CCDC112: variants seen among roughly 807,000 people sequenced by gnomAD.
The protein encoded by CCDC112 is coiled-coil domain-containing protein 112.
A neutral mutation model predicts 66.3 loss-of-function variants in CCDC112; 40 were observed. The observed-to-expected ratio is 0.60, with a 90% CI of 0.47 to 0.79. The LOEUF is 0.79. Ranked by LOEUF, CCDC112 falls within the 30% of genes least tolerant of loss-of-function variation. The probability of loss-of-function intolerance (pLI) is 0.00; values close to 1 mark genes in which losing one functional copy is unlikely to be tolerated. For missense variants in CCDC112, 659 were observed against 603.8 expected, an observed-to-expected ratio of 1.09 and a Z score of -0.96; for synonymous variants, 214 against 197.2, an observed-to-expected ratio of 1.09 and a Z score of -0.71.
At position 115,271,571 on chromosome 5, in the gene CCDC112, A is replaced by T; in HGVS notation, c.974T>A (p.Leu325Ter). ...KQQKREEIFK[L>*]KEKADNTPVL... is the part of the protein sequence containing the mutation. Reference sequence around the variant, plus strand: ...AGGTGTGTTGTCTGCCTTTTCCTTTAACTTGAAAATTTCCTCCCTTTTTTG... The same window carrying T: ...AGGTGTGTTGTCTGCCTTTTCCTTTTACTTGAAAATTTCCTCCCTTTTTTG... The change falls in exon 7 of 10, where the codon TTA (leucine) becomes TAA (stop). Residue 325 changes from leucine (L) to a stop codon, truncating the protein, a stop_gained. Transcript: ENST00000379611. LOFTEE classifies it high-confidence loss of function. 1 of 1,564,456 alleles carries T rather than the reference A, an allele frequency of 6.4e-7. No individual in the cohort carries two copies. Among genetic ancestry groups the T allele is most frequent in the Non-Finnish European group, 8.6e-7 (1 of 1,162,858 alleles).
intron 5 of CCDC112, 76 bp downstream of exon 5, chr5:115,275,918 A>G: frequency 1.0e-6 from 1 of 952,928 alleles, no homozygotes. Context: ...AATGCATTAT[A>G]TACAAAAATG....
In CCDC112 at chr5:115,275,206, T is replaced by C; in HGVS notation, c.918+10A>G. ...AACACAGAATGAATAATAGCTATTA[T>C]AATTATTACCTCTTTTTTTCTTTCT... On this transcript the variant is annotated intron_variant, in intron 6 of 9. Transcript: ENST00000379611. 1 of 1,578,136 alleles carries C rather than the reference T, an allele frequency of 6.3e-7. No homozygotes were observed. Among genetic ancestry groups the C allele is most frequent in the Non-Finnish European group, 8.6e-7 (1 of 1,157,082 alleles).
chr5:115,271,651 AAGC>A, intron 6 of CCDC112, 25 bp from the exon 7 acceptor site: 1 of 1,455,232 alleles, frequency 6.9e-7, no homozygotes, highest in Non-Finnish European at 9.0e-7. Flanking sequence ...TAAAAAAAGA[AAGC>A]AAGAGAAAAA....
chr5:115,281,390 C>A (rs1363308582), intron 2 of CCDC112, among the ~76,000 whole-genome samples: 2 of 152,122 alleles, frequency 1.3e-5, no homozygotes, highest in African/African-American at 4.8e-5. Flanking sequence ...GCCCCAGAGC[C>A]CACCACACTT....
chr5:115,295,070 G>A (rs75241466), intron 1 of CCDC112, among the ~76,000 whole-genome samples: 36 of 152,170 alleles, frequency 2.4e-4, no homozygotes, highest in African/African-American at 8.2e-4. Flanking sequence ...GTATCCATTA[G>A]ATGCTAGCAG....
At position 115,271,344 on chromosome 5, in the gene CCDC112, G is replaced by C; in HGVS notation, c.1201C>G (p.Leu401Val). The C allele has an allele frequency of 6.2e-7, 1 of 1,612,642 alleles. No homozygotes were observed. The highest frequency in any genetic ancestry group is 1.7e-4 in the Middle Eastern group (1 of 6,060). ...RQRQFKLKLLLESYTQQKKEQ... is the reference protein window; with the variant it reads ...RQRQFKLKLLVESYTQQKKEQ... ...TTCTTCTGCTGGGTATAACTTTCTAGTAGTAATTTTAACTTAAACTGGCGC... is the reference window on the plus strand; with the variant it reads ...TTCTTCTGCTGGGTATAACTTTCTACTAGTAATTTTAACTTAAACTGGCGC... The change falls in exon 7 of 10, where the codon CTA becomes GTA. Residue 401 changes from leucine to valine, a missense_variant. Coordinates refer to ENST00000379611, the MANE Select transcript of CCDC112 (RefSeq NM_001040440.3).
intron 6 of CCDC112, 28 bp from the exon 7 acceptor site, chr5:115,271,654 C>T (rs1489802899): frequency 1.4e-6 from 2 of 1,449,626 alleles, no homozygotes; most frequent in Non-Finnish European, 1.8e-6. Flanking sequence ...AAAAAGAAAG[C>T]AAGAGAAAAA....
chr5:115,270,235 G>C lies in CCDC112; in HGVS notation c.1333-437C>G, dbSNP rs140549370. Among the ~76,000 whole-genome samples, 1,221 of 152,154 alleles carry C rather than the reference G, an allele frequency of 8.0e-3. 6 individuals are homozygous for C. The highest frequency in any genetic ancestry group is 0.017 in the Middle Eastern group (5 of 294). Reference sequence around the variant, plus strand: ...GAAGATTTTTATATATGAACTAAAAGAAATGAACTAAAATTTTCAGTATTA... The same window carrying C: ...GAAGATTTTTATATATGAACTAAAACAAATGAACTAAAATTTTCAGTATTA... On this transcript the variant is annotated intron_variant, in intron 7 of 9. Transcript: ENST00000379611.
chr5:115,292,783 A>T (rs781502988), intron 1 of CCDC112, among the ~76,000 whole-genome samples: 1 of 152,208 alleles, frequency 6.6e-6, no homozygotes, highest in Non-Finnish European at 1.5e-5. Flanking sequence ...GCATTGAACC[A>T]CTATGTGTCC....
intron 1 of CCDC112, among the ~76,000 whole-genome samples, chr5:115,288,715 C>T (rs985350175): frequency 6.6e-6 from 1 of 152,194 alleles, no homozygotes; most frequent in Non-Finnish European, 1.5e-5. Flanking sequence ...GAATGCTATG[C>T]TGACACCCAA....
At chr5:115,270,922 C>G (rs1485181375) in intron 7 of CCDC112, among the ~76,000 whole-genome samples, 1 of 152,200 alleles carries the variant, frequency 6.6e-6, no homozygotes, top group Non-Finnish European at 1.5e-5. Flanking sequence ...TACCTTCTCT[C>G]TGCCACTCAT....
chr5:115,280,429 T>G (rs1749402015), intron 2 of CCDC112: 1 of 152,260 alleles, frequency 6.6e-6, no homozygotes. Context: ...AGCACATCTT[T>G]GCCCCTTGAA....
intron 1 of CCDC112, among the ~76,000 whole-genome samples, chr5:115,293,608 C>G (rs1750027287): frequency 6.6e-6 from 1 of 152,172 alleles, no homozygotes; most frequent in Non-Finnish European, 1.5e-5. Flanking sequence ...ACTCCATCCT[C>G]TTCCTTCCAT....
chr5:115,279,661 C>T lies in CCDC112; in HGVS notation c.347G>A (p.Ser116Asn), dbSNP rs1749363420. ...LEELENKLIH[S>N]RKTERAKIQQ... is the part of the protein sequence containing the mutation. ...ACTCAACTTACTTTCTGTTTTCCTG[C>T]TGTGAATCAATTTATTTTCCAATTC... Residue 116 changes from serine to asparagine, a missense_variant, in exon 3 of 10, where the codon AGC becomes AAC. By Grantham distance (46) the Ser-to-Asn change is conservative (BLOSUM62 1). Transcript: ENST00000379611. 1 of 1,611,548 alleles carries T rather than the reference C, an allele frequency of 6.2e-7. No homozygotes were observed. The highest frequency in any genetic ancestry group is 8.5e-7 in the Non-Finnish European group (1 of 1,179,266).
intron 4 of CCDC112, 81 bp downstream of exon 4, chr5:115,276,884 A>G (rs534813379): frequency 1.2e-6 from 1 of 866,494 alleles, no homozygotes; most frequent in Admixed American, 2.3e-5. Flanking sequence ...GTCCTAACCA[A>G]TAAAGTAGAG....
chr5:115,280,175 A>G (rs1268177938), intron 2 of CCDC112, among the ~76,000 whole-genome samples: 1 of 152,216 alleles, frequency 6.6e-6, no homozygotes, highest in African/African-American at 2.4e-5. Context: ...TAACCTCTCC[A>G]GGTATGAACC....
intron 1 of CCDC112, chr5:115,289,296 C>T (rs1425201494): frequency 6.3e-6 from 1 of 159,208 alleles, no homozygotes; most frequent in African/African-American, 2.4e-5. Flanking sequence ...TCTTCCTTCA[C>T]TTCCCCTTCT....
intron 1 of CCDC112, among the ~76,000 whole-genome samples, chr5:115,293,766 G>C (rs1750033752): frequency 6.6e-6 from 1 of 152,180 alleles, no homozygotes; most frequent in African/African-American, 2.4e-5. Context: ...AGATTACACA[G>C]TCACAGGTGA....
rs773231779 is a variant in CCDC112, at chr5:115,271,202, G to C, written c.1332+11C>G. The stretch of plus-strand genomic sequence containing the variant: ...GCATTTAAAAATTATTTAGGAAATA[G>C]ATTTACTCACTCTTTCTTGAAATCT... On this transcript the variant is annotated intron_variant, in intron 7 of 9. Transcript: ENST00000379611. The C allele has an allele frequency of 4.5e-6, 7 of 1,567,040 alleles. No homozygotes were observed. Among genetic ancestry groups the C allele is most frequent in the Non-Finnish European group, 4.3e-6 (5 of 1,165,482 alleles).
Sources: gnomAD v4.1 joint callset for allele counts (sites outside exome capture counted in the v4.1 genomes callset) on GRCh38, gnomAD v4.1.1 for gene constraint, MANE v1.5 for transcripts, NCBI Gene and HGNC (gene_info 2026-07-23, HGNC 2026-07-21) for gene names.